CNTN1: variants seen among roughly 807,000 people sequenced by gnomAD.
CNTN1 encodes contactin 1, also known as contactin-1.
A neutral mutation model predicts 126.4 loss-of-function variants in CNTN1; 38 were observed. The observed-to-expected ratio is 0.30, with a 90% CI of 0.23 to 0.39. The LOEUF (loss-of-function observed/expected upper bound fraction) is 0.39. CNTN1 is among the 10% of genes least tolerant of loss of function. The probability of loss-of-function intolerance (pLI) is 1.00; values close to 1 mark genes in which losing one functional copy is unlikely to be tolerated. For synonymous variants in CNTN1, 413 were observed against 422.6 expected, an observed-to-expected ratio of 0.98 and a Z score of 0.28; for missense variants, 1,009 against 1,248.4, an observed-to-expected ratio of 0.81 and a Z score of 2.89.
At chr12:40,882,603 AATCTCAT>A (rs1355839947) in intron 1 of CNTN1, among the ~76,000 whole-genome samples, 4 of 151,650 alleles carry the variant, frequency 2.6e-5, no homozygotes, top group African/African-American at 9.7e-5. Flanking sequence ...CAGAGGAAAT[AATCTCAT>A]CTGGACCTCT....
At chr12:40,821,953 A>G (rs1436171350) in intron 1 of CNTN1, among the ~76,000 whole-genome samples, 17 of 150,816 alleles carry the variant, frequency 1.1e-4, no homozygotes, top group Non-Finnish European at 2.5e-4. Context: ...GCATTTAGAT[A>G]GTATTCAAAA....
chr12:40,722,584 G>T (rs1328912020), intron 1 of CNTN1, among the ~76,000 whole-genome samples: 39 of 152,182 alleles, frequency 2.6e-4, no homozygotes, highest in Admixed American at 2.0e-3. Context: ...AAGTCTAACA[G>T]TTGGCCGATA....
At chr12:41,038,166 GAATA>G (rs1030847625) in intron 23 of CNTN1, among the ~76,000 whole-genome samples, 6 of 151,580 alleles carry the variant, frequency 4.0e-5, no homozygotes, top group African/African-American at 7.3e-5. Context: ...AAAAATAAAT[GAATA>G]AATAAATAAA....
chr12:40,958,351 A>ATGTGTG (rs34419027), intron 14 of CNTN1, among the ~76,000 whole-genome samples: 88 of 147,148 alleles, frequency 6.0e-4, no homozygotes, highest in African/African-American at 2.0e-3. Flanking sequence ...GTGTGTATAT[A>ATGTGTG]TGTGTGTGTG....
intron 1 of CNTN1, among the ~76,000 whole-genome samples, chr12:40,903,479 G>A (rs1344533034): frequency 1.3e-5 from 2 of 150,578 alleles, no homozygotes; most frequent in Non-Finnish European, 3.0e-5. Context: ...TTACTAAGTG[G>A]TGTGGCCTCA....
intron 1 of CNTN1, among the ~76,000 whole-genome samples, chr12:40,794,092 A>G (rs1940319799): frequency 5.3e-5 from 8 of 152,050 alleles, no homozygotes; most frequent in Admixed American, 5.3e-4. Context: ...GCAAAATAAG[A>G]AATTTAGTTT....
chr12:40,965,546 C>T (rs1025268591), intron 15 of CNTN1, among the ~76,000 whole-genome samples: 1 of 152,094 alleles, frequency 6.6e-6, no homozygotes, highest in African/African-American at 2.4e-5. Flanking sequence ...TATGCTAATA[C>T]AAAATATATA....
chr12:40,763,528 T>C (rs930535848), intron 1 of CNTN1, among the ~76,000 whole-genome samples: 2 of 152,042 alleles, frequency 1.3e-5, no homozygotes, highest in Admixed American at 1.3e-4. Context: ...AGAAACACAT[T>C]GTATTAGGAA....
intron 16 of CNTN1, among the ~76,000 whole-genome samples, chr12:40,991,626 A>G (rs157270): frequency 0.26 from 39,817 of 152,082 alleles, 5,621 homozygotes; most frequent in African/African-American, 0.38. Flanking sequence ...TCAGGAGATC[A>G]AGACCATCCT....
chr12:41,014,380 TG>T, intron 18 of CNTN1, 82 bp downstream of exon 18: 1 of 1,434,640 alleles, frequency 7.0e-7, no homozygotes. Flanking sequence ...TGAAATAAAT[TG>T]AGATGAAAGT....
chr12:40,693,833 C>A (rs1439923347), intron 1 of CNTN1, among the ~76,000 whole-genome samples: 3 of 152,178 alleles, frequency 2.0e-5, no homozygotes, highest in Non-Finnish European at 4.4e-5. Context: ...GGAGAAGAAG[C>A]ATTCAGACTG....
intron 23 of CNTN1, among the ~76,000 whole-genome samples, chr12:41,055,268 C>CT (rs1188278544): frequency 6.6e-6 from 1 of 152,048 alleles, no homozygotes; most frequent in Non-Finnish European, 1.5e-5. Flanking sequence ...TAAGAGTTTA[C>CT]TTTTTGTGAA....
intron 14 of CNTN1, among the ~76,000 whole-genome samples, chr12:40,949,156 CAA>C (rs1946552185): frequency 6.9e-6 from 1 of 145,896 alleles, no homozygotes; most frequent in African/African-American, 2.6e-5. Context: ...TTCTGCAAGA[CAA>C]GAAAAAGGAG....
chr12:40,819,587 C>T (rs755069998), intron 1 of CNTN1, among the ~76,000 whole-genome samples: 8 of 152,184 alleles, frequency 5.3e-5, no homozygotes, highest in Admixed American at 2.6e-4. Context: ...CCCTTCCCCC[C>T]GCCCAGGGAG....
At chr12:40,910,210 A>C in intron 3 of CNTN1, 105 bp downstream of exon 3, 2 of 901,360 alleles carry the variant, frequency 2.2e-6, no homozygotes, top group East Asian at 5.0e-5. Flanking sequence ...GCAAATGGTT[A>C]ATGTTAGATC....
Position 40,733,986 on chromosome 12 carries a change from C to T in CNTN1, c.-77+41394C>T, listed in dbSNP as rs142656929. On this transcript the variant is annotated intron_variant, in intron 1 of 23. Transcript: ENST00000551295. Reference sequence around the variant, plus strand: ...CTCTGTTCCTGGGTTTTCCCTGCAACTCTCCTTCTGACATTTCCATTAAAC... The same window carrying T: ...CTCTGTTCCTGGGTTTTCCCTGCAATTCTCCTTCTGACATTTCCATTAAAC... 1.7e-3 allele frequency among the ~76,000 whole-genome samples: 263 copies of T among 152,186 alleles called. 2 individuals carry two copies. In the East Asian group the frequency reaches 0.021, roughly 12 times the overall value.
intron 1 of CNTN1, among the ~76,000 whole-genome samples, chr12:40,734,839 C>G (rs541858095): frequency 6.6e-6 from 1 of 152,126 alleles, no homozygotes; most frequent in South Asian, 2.1e-4. Context: ...GTCAGGAAAC[C>G]TTGAAGGAAG....
intron 23 of CNTN1, among the ~76,000 whole-genome samples, chr12:41,065,099 G>A (rs901436762): frequency 2.0e-5 from 3 of 151,898 alleles, no homozygotes; most frequent in Admixed American, 6.6e-5. Context: ...TCTGTCGCCC[G>A]GGCTGGAGTG....
intron 15 of CNTN1, among the ~76,000 whole-genome samples, chr12:40,976,328 T>C (rs1490515330): frequency 6.6e-6 from 1 of 152,126 alleles, no homozygotes; most frequent in Non-Finnish European, 1.5e-5. Context: ...TCCAACAGTC[T>C]TTTTCAACTG....
Sources: gnomAD v4.1 joint callset for allele counts (sites outside exome capture counted in the v4.1 genomes callset) on GRCh38, gnomAD v4.1.1 for gene constraint, MANE v1.5 for transcripts, NCBI Gene and HGNC (gene_info 2026-07-23, HGNC 2026-07-21) for gene names.